CDH4: variants seen among roughly 807,000 people sequenced by gnomAD.
CDH4 encodes cadherin-4.
CDH4 carries 33 observed loss-of-function variants against 86.0 expected under a neutral mutation model. The observed-to-expected ratio is 0.38, with a 90% CI of 0.29 to 0.51. CDH4 has a LOEUF of 0.51. Among genes scored for constraint, CDH4 ranks in the 20% least tolerant of loss-of-function variants. The pLI is 0.86. For missense variants in CDH4, 1,114 were observed against 1,307.4 expected (o/e 0.85, Z 2.28); for synonymous variants, 555 against 549.4 (o/e 1.01, Z -0.14).
At chr20:61,433,645 T>G (rs1044431700) in intron 2 of CDH4, among the ~76,000 whole-genome samples, 12 of 151,898 alleles carry the variant, frequency 7.9e-5, no homozygotes, top group African/African-American at 2.9e-4. Context: ...CAAAAGAAAG[T>G]GAGAGCCAGC....
chr20:61,658,796 T>C (rs575978613), intron 2 of CDH4, among the ~76,000 whole-genome samples: 2 of 152,180 alleles, frequency 1.3e-5, no homozygotes, highest in East Asian at 1.9e-4. Flanking sequence ...ACACCCACAG[T>C]GGACATGGAG....
At chr20:61,334,525 C>T (rs558908873) in intron 2 of CDH4, among the ~76,000 whole-genome samples, 5 of 152,180 alleles carry the variant, frequency 3.3e-5, no homozygotes, top group African/African-American at 9.7e-5. Context: ...GATCAAGGCA[C>T]CAGCAGTTCG....
At chr20:61,547,923 G>A (rs1465479750) in intron 2 of CDH4, among the ~76,000 whole-genome samples, 1 of 152,252 alleles carries the variant, frequency 6.6e-6, no homozygotes, top group East Asian at 1.9e-4. Context: ...TGCTGGCATA[G>A]AGTAAGCTTT....
At chr20:61,477,003 G>C (rs2085540386) in intron 2 of CDH4, among the ~76,000 whole-genome samples, 1 of 152,236 alleles carries the variant, frequency 6.6e-6, no homozygotes, top group Admixed American at 6.5e-5. Flanking sequence ...AGGTGACAAA[G>C]GCAGACAGGG....
chr20:61,534,665 C>CTTTTTTTTTTTTTTTTTTTTT lies in CDH4; in HGVS notation c.170-208896_170-208876dup, dbSNP rs34309371. On this transcript the variant is annotated intron_variant, in intron 2 of 15. Transcript: ENST00000614565. ...CTTTCTTTCTTTTCTTTCTTTCTTT[C>CTTTTTTTTTTTTTTTTTTTTT]TTTTTTTTTTTTTTTTTTTTTTGAG... Among the ~76,000 whole-genome samples the CTTTTTTTTTTTTTTTTTTTTT allele has an allele frequency of 4.3e-4, 33 of 76,042 alleles. 4 individuals are homozygous for CTTTTTTTTTTTTTTTTTTTTT. The highest frequency in any genetic ancestry group is 1.7e-3 in the African/African-American group (16 of 9,314). 49.9% of individuals were successfully genotyped at this position (76,042 alleles called of 152,430 possible). A position where few individuals can be genotyped will look rare whatever the true frequency, so the allele number is the denominator to read the frequency against.
rs2085087192 is a variant in CDH4 at position 61,406,871 on chromosome 20, CCGGACCACCA to C, written c.169+151935_169+151944del. Among the ~76,000 whole-genome samples the C allele has an allele frequency of 4.1e-5, 6 of 146,222 alleles. No homozygotes were observed. The South Asian group carries it at 1.4e-3, about 33-fold the overall frequency. On this transcript the variant is annotated intron_variant, in intron 2 of 15. Transcript: ENST00000614565. ...GACCACCATCTGCCATCTGCTCTGCCCGGACCACCATCTGCTCTGCCCGGACCACCATCTG... is the reference window on the plus strand; with the variant it reads ...GACCACCATCTGCCATCTGCTCTGCCTCTGCTCTGCCCGGACCACCATCTG...
intron 2 of CDH4, among the ~76,000 whole-genome samples, chr20:61,277,117 G>T (rs1023300618): frequency 6.6e-6 from 1 of 152,146 alleles, no homozygotes; most frequent in Non-Finnish European, 1.5e-5. Context: ...CTTCCCTCAT[G>T]TGTTCCTTTG....
Position 61,728,363 on chromosome 20 carries a change from TTTAGATGGTGCC to T in CDH4, c.170-15196_170-15185del, listed in dbSNP as rs778516906. Among the ~76,000 whole-genome samples, 285 of 152,296 alleles carry T rather than the reference TTTAGATGGTGCC, an allele frequency of 1.9e-3. 1 individual carries two copies. Among genetic ancestry groups the T allele is most frequent in the Non-Finnish European group, 2.8e-3 (188 of 68,032 alleles). On this transcript the variant is annotated intron_variant, in intron 2 of 15. Transcript: ENST00000614565. ...CGTCACTGTTGACAGGGCAATGTTA[TTTAGATGGTGCC>T]TTATTCTCATCCTTCCATCCTCTAA...
chr20:61,826,107 G>A (rs1040163355), intron 4 of CDH4, among the ~76,000 whole-genome samples: 6 of 152,124 alleles, frequency 3.9e-5, no homozygotes, highest in African/African-American at 1.4e-4. Context: ...AGCCCAAGGG[G>A]TCCCTCTAGA....
chr20:61,458,120 ATGGTGG>A (rs570556793), intron 2 of CDH4, among the ~76,000 whole-genome samples: 1 of 144,540 alleles, frequency 6.9e-6, no homozygotes, highest in Non-Finnish European at 1.5e-5. Context: ...GACAGTGCTG[ATGGTGG>A]TGGTGGTGGT....
intron 2 of CDH4, among the ~76,000 whole-genome samples, chr20:61,303,582 A>G (rs1459666564): frequency 5.9e-5 from 9 of 152,150 alleles, no homozygotes; most frequent in Non-Finnish European, 5.9e-5. Context: ...TGGGCCCCCA[A>G]CTGGTCATCT....
Position 61,939,292 on chromosome 20 carries a change from C to T in CDH4, c.*2349C>T, listed in dbSNP as rs1179531246. The T allele has an allele frequency of 6.6e-6, 1 of 152,326 alleles. No individual in the cohort carries two copies. The highest frequency in any genetic ancestry group is 1.5e-5 in the Non-Finnish European group (1 of 68,114). The allele number at this position is 152,326 out of a possible 1,614,324, so 9.4% of individuals were successfully genotyped here. A position where few individuals can be genotyped will look rare whatever the true frequency, so the allele number is the denominator to read the frequency against. ...CCCAGGACCCAGCACCAGGAGACCC[C>T]AGTCCCGCCAGCAGCCGCCGCTACC... is the stretch of plus-strand genomic sequence containing the variant. On this transcript the variant is annotated 3_prime_UTR_variant, in exon 16 of 16. Coordinates refer to ENST00000614565, the MANE Select transcript of CDH4 (RefSeq NM_001794.5).
At chr20:61,759,721 T>C (rs960569018) in intron 3 of CDH4, among the ~76,000 whole-genome samples, 3 of 152,232 alleles carry the variant, frequency 2.0e-5, no homozygotes, top group Admixed American at 6.5e-5. Context: ...AAGGTGTTTC[T>C]AACTAAACAT....
rs1385885598 is a variant in CDH4 at position 61,663,142 on chromosome 20, T to C, written c.170-80421T>C. Among the ~76,000 whole-genome samples, 2 of 152,030 alleles carry C rather than the reference T, an allele frequency of 1.3e-5. No homozygotes were observed. Among genetic ancestry groups the C allele is most frequent in the Non-Finnish European group, 2.9e-5 (2 of 68,008 alleles). On this transcript the variant is annotated intron_variant, in intron 2 of 15. Transcript: ENST00000614565. The surrounding 1 kb of genome is among the most constrained non-coding windows in gnomAD (Gnocchi z 5.0). ...GTTAAAATATTGACTGGAGGAGAAA[T>C]GGAAATGAGGCTACTGGGCCTGCAG...
intron 2 of CDH4, among the ~76,000 whole-genome samples, chr20:61,444,291 GGGTTTC>G (rs2085331454): frequency 5.3e-4 from 79 of 150,228 alleles, no homozygotes; most frequent in Non-Finnish European, 5.5e-4. Context: ...ATGTATGTGT[GGGTTTC>G]TTTGTGTATG....
chr20:61,597,406 A>G (rs944243), intron 2 of CDH4, among the ~76,000 whole-genome samples: 88,069 of 151,994 alleles, frequency 0.58, 26,117 homozygotes, highest in Admixed American at 0.64. Context: ...CATCGTCCTC[A>G]CCACCCTCTG....
intron 2 of CDH4, among the ~76,000 whole-genome samples, chr20:61,401,114 C>A (rs559793202): frequency 6.6e-6 from 1 of 152,322 alleles, no homozygotes; most frequent in South Asian, 2.1e-4. Context: ...CATCACTGGG[C>A]AGACGTACTG....
rs144420992 is a variant in CDH4, at chr20:61,524,390, G to A, written c.170-219173G>A. On this transcript the variant is annotated intron_variant, in intron 2 of 15. Transcript: ENST00000614565. ...CGGCATCCTATTCCCGCATTCAACC[G>A]TGGGCTTGGGTCATGATGCATGTCG... Among the ~76,000 whole-genome samples, 856 of 152,268 alleles carry A rather than the reference G, an allele frequency of 5.6e-3. 3 individuals are homozygous for A. Among genetic ancestry groups the A allele is most frequent in the African/African-American group, 0.013 (520 of 41,552 alleles).
At chr20:61,538,628 G>A (rs6061627) in intron 2 of CDH4, among the ~76,000 whole-genome samples, 47,442 of 151,938 alleles carry the variant, frequency 0.31, 11,836 homozygotes, top group African/African-American at 0.69. Flanking sequence ...CCTGCCCCTC[G>A]TGCGTTCATG....
Sources: allele counts gnomAD v4.1 joint callset (sites outside exome capture counted in the v4.1 genomes callset), GRCh38; gene constraint gnomAD v4.1.1; non-coding constraint Gnocchi (gnomAD v3.1); transcripts MANE v1.5; gene names NCBI Gene and HGNC (gene_info 2026-07-23, HGNC 2026-07-21).